The following MRPL22 variants were observed in gnomAD, a reference collection of about 807,000 sequenced individuals.
MRPL22 encodes large ribosomal subunit protein uL22m.
MRPL22 carries 27 observed loss-of-function variants against 32.4 expected under a neutral mutation model. That is an observed-to-expected ratio of 0.83 (90% CI 0.61 to 1.15). The LOEUF (loss-of-function observed/expected upper bound fraction) is 1.15. Among genes scored for constraint, MRPL22 ranks in the 50% most tolerant of loss-of-function variants. The pLI is 0.00. For missense variants in MRPL22, 239 were observed against 260.2 expected (o/e 0.92, Z 0.56); for synonymous variants, 86 against 87.3 (o/e 0.99, Z 0.08).
At chr5:154,964,627 G>A (rs1764743380) in intron 6 of MRPL22, among the ~76,000 whole-genome samples, 1 of 152,180 alleles carries the variant, frequency 6.6e-6, no homozygotes, top group South Asian at 2.1e-4. Context: ...ATGGCATCAT[G>A]GCTTTAAGAT....
chr5:154,952,321 G>A (rs1201178443), intron 3 of MRPL22, among the ~76,000 whole-genome samples: 5 of 152,098 alleles, frequency 3.3e-5, no homozygotes, highest in African/African-American at 1.2e-4. Flanking sequence ...TATCCCAAGT[G>A]GCAAAATTCA....
chr5:154,952,635 C>T (rs1021986616), intron 3 of MRPL22, among the ~76,000 whole-genome samples: 1 of 152,128 alleles, frequency 6.6e-6, no homozygotes, highest in African/African-American at 2.4e-5. Flanking sequence ...AATATTGGTA[C>T]ATCAGTTGTA....
chr5:154,966,512 G>A (rs896922831), intron 6 of MRPL22, among the ~76,000 whole-genome samples, 174 bp from the exon 7 acceptor site: 1 of 152,190 alleles, frequency 6.6e-6, no homozygotes, highest in Admixed American at 6.5e-5. Context: ...CTAGAATAGT[G>A]CCTGGTCCTT....
At chr5:154,960,104 T>G in intron 6 of MRPL22, 55 bp downstream of exon 6, 1 of 1,264,208 alleles carries the variant, frequency 7.9e-7, no homozygotes, top group Non-Finnish European at 1.1e-6. Flanking sequence ...TAATGCCATG[T>G]TTTTTATCTA....
At chr5:154,949,144 G>A (rs942524378) in intron 2 of MRPL22, among the ~76,000 whole-genome samples, 2 of 152,142 alleles carry the variant, frequency 1.3e-5, no homozygotes, top group Non-Finnish European at 2.9e-5. Context: ...TCTCTCAGAA[G>A]TTTTGGTTCT....
chr5:154,959,723 G>T (rs1226757710), intron 5 of MRPL22, among the ~76,000 whole-genome samples: 1 of 152,140 alleles, frequency 6.6e-6, no homozygotes, highest in African/African-American at 2.4e-5. Flanking sequence ...TACAAGCACC[G>T]CTATCTCCTT....
intron 5 of MRPL22, chr5:154,959,230 C>G (rs1245490879): frequency 6.6e-6 from 1 of 152,188 alleles, no homozygotes; most frequent in Admixed American, 6.6e-5. Flanking sequence ...GGGCTGGTCT[C>G]GAACTCCTGG....
At position 154,967,000 on chromosome 5, in the gene MRPL22, T is replaced by A; in HGVS notation, c.*103T>A. The A allele has an allele frequency of 8.3e-7, 1 of 1,201,138 alleles. No homozygotes were observed. The highest frequency in any genetic ancestry group is 1.2e-6 in the Non-Finnish European group (1 of 869,238). The allele number at this position is 1,201,138 out of a possible 1,614,324, so 74.4% of individuals were successfully genotyped here. A position where few individuals can be genotyped will look rare whatever the true frequency, so the allele number is the denominator to read the frequency against. On this transcript the variant is annotated 3_prime_UTR_variant, in exon 7 of 7. Coordinates refer to ENST00000523037, the MANE Select transcript of MRPL22 (RefSeq NM_014180.4). ...TTTTTATGATTTCTCATTGAATTAT[T>A]GAAACAGTGTATAACTGCTAGTTGT...
intron 5 of MRPL22, among the ~76,000 whole-genome samples, chr5:154,959,756 A>G (rs1764677444): frequency 6.6e-6 from 1 of 152,182 alleles, no homozygotes; most frequent in Non-Finnish European, 1.5e-5. Context: ...ATGTCATTTA[A>G]AACTTAGTAG....
At chr5:154,961,344 C>T (rs1319271041) in intron 6 of MRPL22, among the ~76,000 whole-genome samples, 1 of 152,142 alleles carries the variant, frequency 6.6e-6, no homozygotes, top group Non-Finnish European at 1.5e-5. Context: ...GTCTTGGAAC[C>T]ATTGGAAGGG....
chr5:154,955,929 C>T lies in MRPL22; in HGVS notation c.196-442C>T, dbSNP rs1039052412. 6 of 167,062 alleles carry T rather than the reference C, an allele frequency of 3.6e-5. No homozygotes were observed. In the East Asian group the frequency reaches 1.1e-3, roughly 31 times the overall value. 10.3% of individuals were successfully genotyped at this position (167,062 alleles called of 1,614,324 possible). On this transcript the variant is annotated intron_variant, in intron 3 of 6. Coordinates refer to ENST00000523037, the MANE Select transcript of MRPL22 (RefSeq NM_014180.4). ...CAGGCAGGCAGTCTGATTCTAGAAC[C>T]TATGCTGTTGGCCAAACACCTAGAA...
chr5:154,964,954 A>G (rs1355872646), intron 6 of MRPL22, among the ~76,000 whole-genome samples: 1 of 152,028 alleles, frequency 6.6e-6, no homozygotes, highest in Non-Finnish European at 1.5e-5. Context: ...GATCCAGGGG[A>G]CGCGCCGTGA....
At chr5:154,963,448 CAGT>C (rs1371654981) in intron 6 of MRPL22, among the ~76,000 whole-genome samples, 1 of 152,112 alleles carries the variant, frequency 6.6e-6, no homozygotes, top group Non-Finnish European at 1.5e-5. Context: ...AGTTCTTTGA[CAGT>C]AGTATTTCTT....
At chr5:154,965,721 C>T (rs1023981430) in intron 6 of MRPL22, among the ~76,000 whole-genome samples, 1 of 152,044 alleles carries the variant, frequency 6.6e-6, no homozygotes, top group Non-Finnish European at 1.5e-5. Flanking sequence ...CGCGCCTGGC[C>T]CTTACATGCT....
chr5:154,957,066 T>C (rs1207120621), intron 4 of MRPL22, 69 bp from the exon 5 acceptor site: 2 of 1,402,722 alleles, frequency 1.4e-6, no homozygotes, highest in East Asian at 2.3e-5. Flanking sequence ...TGTAAGACTT[T>C]CATTGAAAAG....
intron 2 of MRPL22, among the ~76,000 whole-genome samples, chr5:154,947,024 A>G (rs1764500911): frequency 1.0e-4 from 1 of 9,808 alleles, no homozygotes; most frequent in South Asian, 3.6e-3. Context: ...TGTAGGATGC[A>G]CTAAATTATT....
At chr5:154,953,349 C>A (rs1044037297) in intron 3 of MRPL22, among the ~76,000 whole-genome samples, 1 of 114,904 alleles carries the variant, frequency 8.7e-6, no homozygotes, top group African/African-American at 3.5e-5. Context: ...CAGAGCGAGA[C>A]TCCGTCTCAG....
intron 3 of MRPL22, among the ~76,000 whole-genome samples, chr5:154,953,660 C>T (rs916646180): frequency 6.7e-6 from 1 of 148,906 alleles, no homozygotes; most frequent in Non-Finnish European, 1.5e-5. Flanking sequence ...GAATCTGAAT[C>T]TCATAAAGCT....
Position 154,967,684 on chromosome 5 carries a change from T to A in MRPL22, c.*787T>A, listed in dbSNP as rs1345134091. 1 of 152,224 alleles carries A rather than the reference T, an allele frequency of 6.6e-6. No homozygotes were observed. The highest frequency in any genetic ancestry group is 1.5e-5 in the Non-Finnish European group (1 of 68,048). The allele number at this position is 152,224 out of a possible 1,614,324, so 9.4% of individuals were successfully genotyped here. ...TTAGCAGAAAATTGTTAGTTTCAAATTAGAGTGTTCAACACTGCTTCCCTC... is the reference window on the plus strand; with the variant it reads ...TTAGCAGAAAATTGTTAGTTTCAAAATAGAGTGTTCAACACTGCTTCCCTC... On this transcript the variant is annotated 3_prime_UTR_variant, in exon 7 of 7. Transcript: ENST00000523037. The surrounding 1 kb of genome is among the most constrained non-coding windows in gnomAD (Gnocchi z 4.7).
Sources: gnomAD v4.1 joint callset for allele counts (sites outside exome capture counted in the v4.1 genomes callset) on GRCh38, gnomAD v4.1.1 for gene constraint, Gnocchi (gnomAD v3.1) non-coding constraint, MANE v1.5 for transcripts, NCBI Gene and HGNC (gene_info 2026-07-23, HGNC 2026-07-21) for gene names.